SLC12A2: variants seen among roughly 807,000 people sequenced by gnomAD.
SLC12A2 encodes solute carrier family 12 member 2, also known as Na-K-2Cl cotransporter 1.
SLC12A2 carries 67 observed loss-of-function variants against 136.3 expected under a neutral mutation model. The observed-to-expected ratio is 0.49, with a 90% CI of 0.40 to 0.60. The LOEUF (loss-of-function observed/expected upper bound fraction) is 0.60, where lower values mean the gene tolerates loss of function less well. SLC12A2 is among the 20% of genes least tolerant of loss of function. The pLI, the probability that SLC12A2 is intolerant of heterozygous loss-of-function variation, is 0.00. For synonymous variants in SLC12A2, 619 were observed against 562.9 expected (o/e 1.10, Z -1.41); for missense variants, 1,322 against 1,534.7 (o/e 0.86, Z 2.32).
At chr5:128,124,408 C>T (rs1442436106) in intron 4 of SLC12A2, among the ~76,000 whole-genome samples, 2 of 152,174 alleles carry the variant, frequency 1.3e-5, no homozygotes, top group Non-Finnish European at 2.9e-5. Flanking sequence ...TTCCAGGCCT[C>T]CTGTACCTCT....
intron 11 of SLC12A2, 114 bp downstream of exon 11, chr5:128,147,843 A>G: frequency 1.7e-6 from 1 of 571,848 alleles, no homozygotes. Flanking sequence ...ATATACATAT[A>G]TATGATATAT....
At chr5:128,164,063 G>A (rs1763126108) in intron 17 of SLC12A2, among the ~76,000 whole-genome samples, 1 of 152,064 alleles carries the variant, frequency 6.6e-6, no homozygotes, top group African/African-American at 2.4e-5. Context: ...GGAAGGAAAT[G>A]AATGAAAAAT....
At position 128,084,271 on chromosome 5, in the gene SLC12A2, C is replaced by A. The variant is rs1759967655; in HGVS notation, c.317C>A (p.Ala106Glu). Reference sequence around the variant, plus strand: ...GCGGCGGCGGCGGCGGCAGCGGCGGCGGCTGGTGCTGGGGCGGGGGCCAAG... The same window carrying A: ...GCGGCGGCGGCGGCGGCAGCGGCGGAGGCTGGTGCTGGGGCGGGGGCCAAG... Reference protein sequence around the residue: ...AAAAAAAAAAAAGAGAGAKQT... With the variant: ...AAAAAAAAAAEAGAGAGAKQT... Residue 106 changes from alanine to glutamate, a missense_variant, in exon 1 of 27, where the codon GCG (alanine) becomes GAG (glutamate). Ala to Glu is a moderately radical substitution (Grantham distance 107). This residue lies in a region of SLC12A2 where 358 missense variants were observed against 299.7 expected (regional missense o/e 1.19). Transcript: ENST00000262461. The surrounding 1 kb of genome is among the most constrained non-coding windows in gnomAD (Gnocchi z 5.6). 2 of 1,292,558 alleles carry A rather than the reference C, an allele frequency of 1.5e-6. No homozygotes were observed. The highest frequency in any genetic ancestry group is 2.9e-5 in the South Asian group (1 of 34,052). 80.1% of individuals were successfully genotyped at this position (1,292,558 alleles called of 1,614,324 possible). A position where few individuals can be genotyped will look rare whatever the true frequency, so the allele number is the denominator to read the frequency against.
intron 19 of SLC12A2, among the ~76,000 whole-genome samples, chr5:128,172,960 AAAC>A (rs1763424355): frequency 7.3e-6 from 1 of 137,386 alleles, no homozygotes; most frequent in African/African-American, 3.0e-5. Context: ...AATACAAAAA[AAAC>A]AAAAAACAAA....
In SLC12A2 at chr5:128,189,652, T is replaced by G. The variant is rs1763980363; in HGVS notation, c.*3021T>G. 2.6e-5 allele frequency: 4 copies of G among 152,646 alleles called. No individual in the cohort carries two copies. In the South Asian group the frequency reaches 8.3e-4, roughly 32 times the overall value. 9.5% of individuals were successfully genotyped at this position (152,646 alleles called of 1,614,324 possible). On this transcript the variant is annotated 3_prime_UTR_variant, in exon 27 of 27. Coordinates refer to ENST00000262461, the MANE Select transcript of SLC12A2 (RefSeq NM_001046.3). The stretch of plus-strand genomic sequence containing the variant: ...CTGCTTTGTACAGAGGTTACTGCAA[T>G]AAAGGAAGTGGATTCATTAAACCTA...
At chr5:128,128,151 T>C (rs1012671878) in intron 4 of SLC12A2, among the ~76,000 whole-genome samples, 2 of 152,196 alleles carry the variant, frequency 1.3e-5, no homozygotes, top group African/African-American at 4.8e-5. Context: ...AGTTCTGTTG[T>C]GGTCAGTAAT....
In SLC12A2 at chr5:128,180,979, A is replaced by G. The variant is rs537278747; in HGVS notation, c.3197A>G (p.Asp1066Gly). ...VFIGGKINRI[D>G]HDRRAMATLL... ...ATTGGTGGAAAGATAAACAGAATAG[A>G]CCATGACCGGAGAGCGTAAGTTTAT... Residue 1066 changes from aspartate (D) to glycine (G), a missense_variant, in exon 23 of 27, where the codon GAC becomes GGC. Transcript: ENST00000262461. The G allele has an allele frequency of 3.5e-5, 56 of 1,598,576 alleles. No individual in the cohort carries two copies. In the African/African-American group the frequency reaches 7.0e-4, roughly 20 times the overall value.
intron 19 of SLC12A2, among the ~76,000 whole-genome samples, chr5:128,172,457 AAGAT>A (rs1763407105): frequency 6.6e-6 from 1 of 152,204 alleles, no homozygotes; most frequent in Non-Finnish European, 1.5e-5. Flanking sequence ...CATTGCAATA[AAGAT>A]ACAGAACTGT....
At chr5:128,183,988 T>C (rs924001122) in intron 24 of SLC12A2, among the ~76,000 whole-genome samples, 7 of 152,022 alleles carry the variant, frequency 4.6e-5, no homozygotes. Context: ...TTTTTTAAAT[T>C]TTGGAATATT....
chr5:128,167,796 T>G lies in SLC12A2; in HGVS notation c.2652T>G (p.Leu884=). 1.9e-6 allele frequency: 3 copies of G among 1,610,390 alleles called. No individual in the cohort carries two copies. The highest frequency in any genetic ancestry group is 2.5e-6 in the Non-Finnish European group (3 of 1,178,502). ...AGLGRMKPNT[L]VLGFKKDWLQ... Reference sequence around the variant, plus strand: ...TTGGTCGTATGAAGCCAAACACACTTGTCCTTGGATTTAAGAAAGATTGGT... The same window carrying G: ...TTGGTCGTATGAAGCCAAACACACTGGTCCTTGGATTTAAGAAAGATTGGT... Residue 884 remains leucine (L), a synonymous_variant, in exon 18 of 27, where the codon CTT becomes CTG. Transcript: ENST00000262461.
chr5:128,177,751 G>A (rs1763579168), intron 21 of SLC12A2: 1 of 152,180 alleles, frequency 6.6e-6, no homozygotes, highest in African/African-American at 2.4e-5. Flanking sequence ...CTACAGAAGT[G>A]ATCAGATGTC....
intron 19 of SLC12A2, among the ~76,000 whole-genome samples, chr5:128,173,567 A>G (rs1473002207): frequency 2.0e-5 from 3 of 152,206 alleles, no homozygotes; most frequent in Non-Finnish European, 4.4e-5. Flanking sequence ...GAGTCAGGCA[A>G]ATCTGCTTTA....
At chr5:128,095,080 C>T (rs1680311675) in intron 1 of SLC12A2, among the ~76,000 whole-genome samples, 1 of 152,076 alleles carries the variant, frequency 6.6e-6, no homozygotes, top group Non-Finnish European at 1.5e-5. Context: ...AGTTTAAAGT[C>T]ATTAGAGAGT....
intron 7 of SLC12A2, among the ~76,000 whole-genome samples, chr5:128,137,626 G>T (rs182706214): frequency 6.6e-6 from 1 of 152,172 alleles, no homozygotes; most frequent in African/African-American, 2.4e-5. Context: ...AGTACTTTGA[G>T]GTGCTAGAAA....
intron 5 of SLC12A2, 109 bp from the exon 6 acceptor site, chr5:128,134,056 A>C (rs541811667): frequency 3.3e-6 from 2 of 601,768 alleles, no homozygotes; most frequent in Non-Finnish European, 6.0e-6. Context: ...CCATTTATTC[A>C]ACTTCTTCAT....
In SLC12A2 at chr5:128,084,247, C is replaced by CGGA; in HGVS notation, c.295_296insAGG (p.Ala98_Ala99insGlu). ...GCCGGGCGGGCCGCTGCTGCGGCGGCGGCGGCGGCGGCGGCAGCGGCGGCG... is the reference window on the plus strand; with the variant it reads ...GCCGGGCGGGCCGCTGCTGCGGCGGCGGAGGCGGCGGCGGCGGCAGCGGCGGCG... On this transcript the variant is annotated inframe_insertion, in exon 1 of 27. Transcript: ENST00000262461. The surrounding 1 kb of genome is among the most constrained non-coding windows in gnomAD (Gnocchi z 5.6). 1 of 1,232,142 alleles carries CGGA rather than the reference C, an allele frequency of 8.1e-7. No individual in the cohort carries two copies. Among genetic ancestry groups the CGGA allele is most frequent in the Non-Finnish European group, 1.0e-6 (1 of 982,098 alleles). The allele number at this position is 1,232,142 out of a possible 1,614,324, so 76.3% of individuals were successfully genotyped here.
At chr5:128,110,686 T>G in intron 1 of SLC12A2, 1 of 1,386,158 alleles carries the variant, frequency 7.2e-7, no homozygotes, top group Non-Finnish European at 1.0e-6. Context: ...ATTTTTACAA[T>G]GAGCTCTGCA....
chr5:128,171,095 CAAAAA>C (rs765159997), intron 18 of SLC12A2: 5 of 54,906 alleles, frequency 9.1e-5, no homozygotes, highest in Admixed American at 2.1e-4. Context: ...GACTCTGTCT[CAAAAA>C]AAAAAAAAAA....
chr5:128,174,393 T>C, intron 19 of SLC12A2, 148 bp from the exon 20 acceptor site: 1 of 567,490 alleles, frequency 1.8e-6, no homozygotes, highest in East Asian at 3.5e-5. Flanking sequence ...TGAATAGTCA[T>C]TTCAAACAGA....
Sources: allele counts gnomAD v4.1 joint callset (sites outside exome capture counted in the v4.1 genomes callset), GRCh38; gene constraint gnomAD v4.1.1; regional missense constraint gnomAD v4.1.1; non-coding constraint Gnocchi (gnomAD v3.1); transcripts MANE v1.5; gene names NCBI Gene and HGNC (gene_info 2026-07-23, HGNC 2026-07-21).